Variants in SDK2 observed in about 807,000 individuals in gnomAD.
The protein encoded by SDK2 is protein sidekick-2.
In SDK2, 105 loss-of-function variants were observed where a neutral mutation model predicts 253.9. That is an observed-to-expected ratio of 0.41 (90% CI 0.35 to 0.49). The LOEUF is 0.49. Ranked by LOEUF, SDK2 falls within the 20% of genes least tolerant of loss-of-function variation. The pLI is 0.06. For missense variants in SDK2, 2,608 were observed against 3,003.0 expected (o/e 0.87, Z 3.07); for synonymous variants, 1,249 against 1,234.9 (o/e 1.01, Z -0.24).
At position 73,379,359 on chromosome 17, in the gene SDK2, G is replaced by GGGGGGGGT; in HGVS notation, c.4865-68_4865-67insACCCCCCC. On this transcript the variant is annotated intron_variant, in intron 35 of 44. Transcript: ENST00000392650. The surrounding 1 kb of genome is among the most constrained non-coding windows in gnomAD (Gnocchi z 4.5). ...CTGGGAGGGGAGGTGGGCTGGGCGG[G>GGGGGGGGT]ATGGGGAGCCCAGATCCCGTTTCTT... 4.6e-6 allele frequency: 3 copies of GGGGGGGGT among 656,590 alleles called. No individual in the cohort carries two copies. Among genetic ancestry groups the GGGGGGGGT allele is most frequent in the Non-Finnish European group, 7.9e-6 (3 of 380,042 alleles). The allele number at this position is 656,590 out of a possible 1,614,324, so 40.7% of individuals were successfully genotyped here. A position where few individuals can be genotyped will look rare whatever the true frequency, so the allele number is the denominator to read the frequency against.
At chr17:73,419,753 T>C (rs1599548774) in intron 15 of SDK2, among the ~76,000 whole-genome samples, 2 of 147,080 alleles carry the variant, frequency 1.4e-5, no homozygotes, top group East Asian at 3.9e-4. Flanking sequence ...TCCTGGTGAC[T>C]TGCACCTGTA....
At position 73,557,306 on chromosome 17, in the gene SDK2, A is replaced by AC. The variant is rs1161771858; in HGVS notation, c.65-49710_65-49709insG. On this transcript the variant is annotated intron_variant, in intron 1 of 44. Transcript: ENST00000392650. ...TTTGCAGGAGCTGCTGTACCTCGAG[A>AC]TTTTTTTTTTTTTTTGAGACAGGGT... 2.0e-5 allele frequency among the ~76,000 whole-genome samples: 3 copies of AC among 146,414 alleles called. No individual in the cohort carries two copies. In the East Asian group the frequency reaches 6.1e-4, roughly 30 times the overall value.
At position 73,467,171 on chromosome 17, in the gene SDK2, C is replaced by A. The variant is rs566353975; in HGVS notation, c.331+4941G>T. On this transcript the variant is annotated intron_variant, in intron 3 of 44. Transcript: ENST00000392650. This position sits in a 1 kb window ranked among gnomAD's most constrained non-coding sequence, Gnocchi z 4.1. ...CTGTGCATTTGCAGAGCTGTTTGGACATGGATTATTACAGCCCAGGGCTGT... is the reference window on the plus strand; with the variant it reads ...CTGTGCATTTGCAGAGCTGTTTGGAAATGGATTATTACAGCCCAGGGCTGT... Among the ~76,000 whole-genome samples, 6 of 152,214 alleles carry A rather than the reference C, an allele frequency of 3.9e-5. No individual in the cohort carries two copies. The highest frequency in any genetic ancestry group is 8.8e-5 in the Non-Finnish European group (6 of 68,016).
intron 40 of SDK2, among the ~76,000 whole-genome samples, chr17:73,355,174 A>ATATTTTT: frequency 8.5e-5 from 4 of 47,224 alleles, no homozygotes; most frequent in African/African-American, 4.9e-4. Flanking sequence ...ATATATATAT[A>ATATTTTT]TTTTTTTTTT....
intron 2 of SDK2, among the ~76,000 whole-genome samples, chr17:73,503,408 C>T (rs1399667521): frequency 6.6e-6 from 1 of 152,180 alleles, no homozygotes; most frequent in African/African-American, 2.4e-5. Context: ...AATGAAGTGA[C>T]ATGATGTCTA....
intron 40 of SDK2, 197 bp downstream of exon 40, chr17:73,357,882 G>T (rs2062605250): frequency 4.9e-6 from 4 of 812,912 alleles, no homozygotes; most frequent in Non-Finnish European, 8.4e-6. Context: ...GCCTCCTGGG[G>T]GTTACTTAGC....
In SDK2 at chr17:73,506,038, C is replaced by T. The variant is rs2063933368; in HGVS notation, c.224+1400G>A. On this transcript the variant is annotated intron_variant, in intron 2 of 44. Coordinates refer to ENST00000392650, the MANE Select transcript of SDK2 (RefSeq NM_001144952.2). ...CTCTCCTCCTCCCCTCCTCCTGGAT[C>T]CTGCCTCCGGCTCCCAGCCGGAAGA... 1.3e-5 allele frequency among the ~76,000 whole-genome samples: 2 copies of T among 152,252 alleles called. 1 individual carries two copies. Among genetic ancestry groups the T allele is most frequent in the South Asian group, 4.1e-4 (2 of 4,834 alleles).
chr17:73,429,646 G>A (rs541648569), intron 12 of SDK2, among the ~76,000 whole-genome samples: 2 of 152,360 alleles, frequency 1.3e-5, no homozygotes, highest in East Asian at 1.9e-4. Context: ...TTCTAGCCTC[G>A]GTGCCAGTTG....
chr17:73,515,979 G>T lies in SDK2; in HGVS notation c.65-8382C>A, dbSNP rs367694200. Among the ~76,000 whole-genome samples, 34 of 152,308 alleles carry T rather than the reference G, an allele frequency of 2.2e-4. No homozygotes were observed. The South Asian group carries it at 6.6e-3, about 30-fold the overall frequency. On this transcript the variant is annotated intron_variant, in intron 1 of 44. Coordinates refer to ENST00000392650, the MANE Select transcript of SDK2 (RefSeq NM_001144952.2). ...CCCTTTCTGTCACACAAACCATTGGGGGTGACCACATAGGAAGGAGATGGG... is the reference window on the plus strand; with the variant it reads ...CCCTTTCTGTCACACAAACCATTGGTGGTGACCACATAGGAAGGAGATGGG...
intron 1 of SDK2, among the ~76,000 whole-genome samples, chr17:73,557,339 G>A (rs887296088): frequency 4.6e-5 from 7 of 150,996 alleles, no homozygotes; most frequent in Admixed American, 6.6e-5. Context: ...GGTCTTGCCT[G>A]TCGCCCAGGC....
At chr17:73,637,175 TAA>T (rs1029858314) in intron 1 of SDK2, among the ~76,000 whole-genome samples, 1 of 152,116 alleles carries the variant, frequency 6.6e-6, no homozygotes, top group Non-Finnish European at 1.5e-5. Context: ...ATGTCTTGTG[TAA>T]AGTCACCCTC....
chr17:73,437,698 T>C (rs1214301075), intron 8 of SDK2, 41 bp downstream of exon 8: 1 of 1,493,174 alleles, frequency 6.7e-7, no homozygotes, highest in Admixed American at 1.7e-5. Flanking sequence ...AGGCTGAAGA[T>C]CTGGGGTCTT....
At chr17:73,568,371 A>G (rs1399386410) in intron 1 of SDK2, among the ~76,000 whole-genome samples, 1 of 152,206 alleles carries the variant, frequency 6.6e-6, no homozygotes, top group Non-Finnish European at 1.5e-5. Context: ...TACAGCCTAT[A>G]GAACCGTGAG....
At chr17:73,583,484 C>A (rs1039376173) in intron 1 of SDK2, among the ~76,000 whole-genome samples, 13 of 152,162 alleles carry the variant, frequency 8.5e-5, no homozygotes, top group Non-Finnish European at 1.9e-4. Context: ...ATGGCCAGCT[C>A]CCCACCAAAT....
At position 73,368,525 on chromosome 17, in the gene SDK2, G is replaced by A; in HGVS notation, c.5049C>T (p.Asn1683=). 6.2e-7 allele frequency: 1 copy of A among 1,609,966 alleles called. No individual in the cohort carries two copies. The highest frequency in any genetic ancestry group is 8.5e-7 in the Non-Finnish European group (1 of 1,178,368). ...ERVKTLFLAE[N]SVKLKNLTGY... is the part of the protein sequence containing the mutation. Reference sequence around the variant, plus strand: ...CAGTCAAGTTCTTGAGCTTCACGCTGTTCTCAGCCAGGAAAAGCGTCTTCA... The same window carrying A: ...CAGTCAAGTTCTTGAGCTTCACGCTATTCTCAGCCAGGAAAAGCGTCTTCA... The change falls in exon 37 of 45, where the codon AAC becomes AAT. Residue 1683 remains asparagine, a synonymous_variant. Transcript: ENST00000392650.
rs1197223604 is a variant in SDK2, at chr17:73,335,966, G to C, written c.*2621C>G. The C allele has an allele frequency of 6.6e-6, 1 of 152,390 alleles. No homozygotes were observed. Among genetic ancestry groups the C allele is most frequent in the Non-Finnish European group, 1.5e-5 (1 of 68,116 alleles). 9.4% of individuals were successfully genotyped at this position (152,390 alleles called of 1,614,324 possible). ...GAATGAGCGTGTGGGGAGTGGGGGG[G>C]TGGAATATCTTAGTGCACCAGGTGA... On this transcript the variant is annotated 3_prime_UTR_variant, in exon 45 of 45. Transcript: ENST00000392650.
In SDK2 at chr17:73,402,031, G is replaced by T; in HGVS notation, c.2595C>A (p.Thr865=). The stretch of plus-strand genomic sequence containing the variant: ...AACACAGCACTGAGGTGAAGTACTC[G>T]GTGAACTTCTTCAGGCCAGACACGA... ...VGFVSGLKKF[T]EYFTSVLCFT... The change falls in exon 19 of 45, where the codon ACC becomes ACA. Residue 865 remains threonine, a synonymous_variant. Transcript: ENST00000392650. 1 of 1,613,624 alleles carries T rather than the reference G, an allele frequency of 6.2e-7. No individual in the cohort carries two copies. The highest frequency in any genetic ancestry group is 8.5e-7 in the Non-Finnish European group (1 of 1,179,682).
rs544569916 is a variant in SDK2, at chr17:73,439,856, C to T, written c.725+956G>A. Among the ~76,000 whole-genome samples, 49 of 152,294 alleles carry T rather than the reference C, an allele frequency of 3.2e-4. No individual in the cohort carries two copies. The East Asian group carries it at 3.9e-3, about 12-fold the overall frequency. ...ACTCAGCTATCATCCAGCTGGGTGA[C>T]GTTGGGCAGGCCACTTGCCCTCTCT... On this transcript the variant is annotated intron_variant, in intron 6 of 44. Coordinates refer to ENST00000392650, the MANE Select transcript of SDK2 (RefSeq NM_001144952.2).
rs1178829105 is a variant in SDK2 at position 73,465,985 on chromosome 17, C to G, written c.331+6127G>C. Among the ~76,000 whole-genome samples the G allele has an allele frequency of 6.6e-6, 1 of 152,190 alleles. No homozygotes were observed. Among genetic ancestry groups the G allele is most frequent in the Admixed American group, 6.5e-5 (1 of 15,288 alleles). Reference sequence around the variant, plus strand: ...TTGGCAGACAGGCAGCTGCAGCAGGCCTGAAGCACAGAATCCTGGGAGGGC... The same window carrying G: ...TTGGCAGACAGGCAGCTGCAGCAGGGCTGAAGCACAGAATCCTGGGAGGGC... On this transcript the variant is annotated intron_variant, in intron 3 of 44. Coordinates refer to ENST00000392650, the MANE Select transcript of SDK2 (RefSeq NM_001144952.2). This position sits in a 1 kb window ranked among gnomAD's most constrained non-coding sequence, Gnocchi z 4.2.
Sources: allele counts gnomAD v4.1 joint callset (sites outside exome capture counted in the v4.1 genomes callset), GRCh38; gene constraint gnomAD v4.1.1; non-coding constraint Gnocchi (gnomAD v3.1); transcripts MANE v1.5; gene names NCBI Gene and HGNC (gene_info 2026-07-23, HGNC 2026-07-21).